The following MYO3B variants were observed in gnomAD, a reference collection of about 807,000 sequenced individuals.
MYO3B encodes the protein myosin-IIIb.
Under a neutral mutation model 174.6 loss-of-function variants are expected in MYO3B, and 156 were observed. The ratio of observed to expected loss-of-function variants is 0.89; its 90% CI spans 0.78 to 1.02. The LOEUF is 1.02. MYO3B is among the 50% of genes least tolerant of loss of function. The pLI is 0.00. For synonymous variants in MYO3B, 563 were observed against 569.1 expected, an observed-to-expected ratio of 0.99 and a Z score of 0.15; for missense variants, 1,632 against 1,639.4, an observed-to-expected ratio of 1.00 and a Z score of 0.08.
chr2:170,280,444 C>T (rs555282609), intron 7 of MYO3B, among the ~76,000 whole-genome samples: 18 of 151,954 alleles, frequency 1.2e-4, no homozygotes, highest in African/African-American at 2.4e-4. Flanking sequence ...TTTCTTTTGC[C>T]GTGCGGAAGC....
intron 9 of MYO3B, among the ~76,000 whole-genome samples, chr2:170,377,727 C>T (rs540913827): frequency 1.2e-4 from 18 of 152,300 alleles, no homozygotes; most frequent in African/African-American, 4.1e-4. Context: ...CTTACAAACT[C>T]ATAAAAACAA....
At chr2:170,297,413 G>A (rs911641384) in intron 7 of MYO3B, among the ~76,000 whole-genome samples, 1 of 152,050 alleles carries the variant, frequency 6.6e-6, no homozygotes, top group Non-Finnish European at 1.5e-5. Flanking sequence ...AAAAAACAGT[G>A]GTAGTCTAAA....
intron 32 of MYO3B, among the ~76,000 whole-genome samples, chr2:170,586,895 T>A (rs1256295740): frequency 6.6e-6 from 1 of 152,264 alleles, no homozygotes; most frequent in African/African-American, 2.4e-5. Flanking sequence ...TTCCAGAACT[T>A]CTACTTTGAC....
intron 32 of MYO3B, among the ~76,000 whole-genome samples, chr2:170,635,479 G>A (rs947028311): frequency 6.6e-6 from 1 of 152,092 alleles, no homozygotes; most frequent in African/African-American, 2.4e-5. Context: ...GGGGGGAGCG[G>A]GGGAGGGATA....
chr2:170,515,116 A>C, intron 29 of MYO3B, 94 bp downstream of exon 29: 1 of 1,032,128 alleles, frequency 9.7e-7, no homozygotes, highest in Non-Finnish European at 1.4e-6. Flanking sequence ...TTATATAAGA[A>C]CCTTCTGTCC....
At chr2:170,601,799 A>C (rs1360510780) in intron 32 of MYO3B, 1 of 1,211,104 alleles carries the variant, frequency 8.3e-7, no homozygotes, top group African/African-American at 1.5e-5. Flanking sequence ...TTCTTTTCAC[A>C]AAGCTGCTTG....
intron 32 of MYO3B, among the ~76,000 whole-genome samples, chr2:170,574,897 A>T (rs2106286961): frequency 6.6e-6 from 1 of 152,030 alleles, no homozygotes; most frequent in South Asian, 2.1e-4. Flanking sequence ...CTCAGTCTTG[A>T]TCTCCTTCTC....
At position 170,206,795 on chromosome 2, in the gene MYO3B, G is replaced by A. The variant is rs2092717016; in HGVS notation, c.321+6511G>A. On this transcript the variant is annotated intron_variant, in intron 3 of 34. Transcript: ENST00000408978. The surrounding 1 kb of genome is among the most constrained non-coding windows in gnomAD (Gnocchi z 4.3). ...GCTTACATAATGCCATGGTAGTGAG[G>A]GCAGAGGCTTCGGAACTGTATTGTA... Among the ~76,000 whole-genome samples, 1 of 152,110 alleles carries A rather than the reference G, an allele frequency of 6.6e-6. No individual in the cohort carries two copies. Among genetic ancestry groups the A allele is most frequent in the African/African-American group, 2.4e-5 (1 of 41,416 alleles).
chr2:170,441,557 A>G (rs138403573), intron 22 of MYO3B, among the ~76,000 whole-genome samples: 1,656 of 152,340 alleles, frequency 0.011, 37 homozygotes, highest in African/African-American at 0.038. Flanking sequence ...GAGCAGCCCC[A>G]AGGGCTGCTG....
chr2:170,265,727 T>C (rs977317650), intron 7 of MYO3B, among the ~76,000 whole-genome samples: 6 of 152,218 alleles, frequency 3.9e-5, no homozygotes, highest in African/African-American at 1.4e-4. Flanking sequence ...GAGAGTCTCC[T>C]TTTACCTTCC....
chr2:170,501,491 A>G lies in MYO3B; in HGVS notation c.3290-294A>G, dbSNP rs1396512734. On this transcript the variant is annotated intron_variant, in intron 27 of 34. Transcript: ENST00000408978. ...TTCTCCAGGGATTAGAATGACAGGA[A>G]ACCATCTCACCTGGAGTAGGGGTCC... Among the ~76,000 whole-genome samples, 8 of 152,316 alleles carry G rather than the reference A, an allele frequency of 5.3e-5. No homozygotes were observed. In the East Asian group the frequency reaches 1.4e-3, roughly 26 times the overall value.
intron 21 of MYO3B, 86 bp downstream of exon 21, chr2:170,405,719 C>T: frequency 9.5e-7 from 1 of 1,048,854 alleles, no homozygotes; most frequent in Non-Finnish European, 1.4e-6. Context: ...CATGAAATTG[C>T]TTACAGATTT....
intron 32 of MYO3B, among the ~76,000 whole-genome samples, chr2:170,609,307 T>C (rs1192082636): frequency 6.6e-6 from 1 of 152,156 alleles, no homozygotes; most frequent in African/African-American, 2.4e-5. Flanking sequence ...CACATATACA[T>C]ACCACACACA....
At chr2:170,232,873 CT>C (rs111450712) in intron 6 of MYO3B, among the ~76,000 whole-genome samples, 2 of 152,260 alleles carry the variant, frequency 1.3e-5, no homozygotes, top group African/African-American at 4.8e-5. Context: ...TAAATAATTT[CT>C]TTGTTACATG....
intron 6 of MYO3B, among the ~76,000 whole-genome samples, chr2:170,228,687 C>T (rs1372059966): frequency 2.0e-5 from 3 of 152,060 alleles, no homozygotes; most frequent in African/African-American, 7.2e-5. Flanking sequence ...GTAGTGTAAG[C>T]GTGCTTTGAG....
intron 8 of MYO3B, among the ~76,000 whole-genome samples, chr2:170,364,054 C>G (rs1250338785): frequency 4.6e-5 from 7 of 152,168 alleles, no homozygotes; most frequent in African/African-American, 1.7e-4. Flanking sequence ...GAAACACTGT[C>G]TTTTGCAGAA....
intron 16 of MYO3B, among the ~76,000 whole-genome samples, chr2:170,398,774 AC>A (rs2094456115): frequency 6.6e-6 from 1 of 152,012 alleles, no homozygotes; most frequent in African/African-American, 2.4e-5. Context: ...AGTTCCGGGA[AC>A]CCCCAATTCA....
chr2:170,292,905 G>A (rs1415020380), intron 7 of MYO3B, among the ~76,000 whole-genome samples: 1 of 152,250 alleles, frequency 6.6e-6, no homozygotes, highest in East Asian at 1.9e-4. Context: ...GTGGGTAGAG[G>A]CAAGTACAGA....
chr2:170,615,179 T>C (rs1015400729), intron 32 of MYO3B, among the ~76,000 whole-genome samples: 1 of 152,078 alleles, frequency 6.6e-6, no homozygotes, highest in Non-Finnish European at 1.5e-5. Context: ...ACCCAACATA[T>C]CTAGCTCTAG....
Sources: allele counts gnomAD v4.1 joint callset (sites outside exome capture counted in the v4.1 genomes callset), GRCh38; gene constraint gnomAD v4.1.1; non-coding constraint Gnocchi (gnomAD v3.1); transcripts MANE v1.5; gene names NCBI Gene and HGNC (gene_info 2026-07-23, HGNC 2026-07-21).